Variants in PABPC4L observed in about 807,000 individuals in gnomAD.
PABPC4L encodes poly(A) binding protein cytoplasmic 4 like, also known as polyadenylate-binding protein 4-like.
For missense variants in PABPC4L, 452 were observed against 451.4 expected (o/e 1.00, Z -0.01); for synonymous variants, 169 against 164.1 (o/e 1.03, Z -0.23).
the PABPC4L span, among the ~76,000 whole-genome samples, chr4:134,067,446 C>T: frequency 6.6e-6 from 1 of 151,968 alleles, no homozygotes; most frequent in Non-Finnish European, 1.5e-5. Flanking sequence ...AGCTAATGGT[C>T]TACCTGTCTT....
At position 134,199,368 on chromosome 4, in the gene PABPC4L, ATATCTGACTATT is replaced by A; in HGVS notation, c.*527_*538del. On this transcript the variant is annotated 3_prime_UTR_variant, in exon 2 of 2. Transcript: ENST00000421491. ...ATATAAATTTAAAAGAAATTCAACT[ATATCTGACTATT>A]TTAAGCATTAATTCAAAATGAAATT... The A allele has an allele frequency of 6.6e-6, 1 of 152,168 alleles. No individual in the cohort carries two copies. Among genetic ancestry groups the A allele is most frequent in the African/African-American group, 2.4e-5 (1 of 41,464 alleles). 9.4% of individuals were successfully genotyped at this position (152,168 alleles called of 1,614,324 possible).
chr4:134,064,823 T>A, the PABPC4L span, among the ~76,000 whole-genome samples: 2 of 152,164 alleles, frequency 1.3e-5, no homozygotes, highest in East Asian at 3.9e-4. Flanking sequence ...AATGTTTAGC[T>A]CCCACTTATA....
chr4:134,095,529 A>G, the PABPC4L span, among the ~76,000 whole-genome samples: 8 of 152,078 alleles, frequency 5.3e-5, no homozygotes, highest in East Asian at 1.6e-3. Context: ...CAATCCATAT[A>G]TTCTTTATAC....
the PABPC4L span, among the ~76,000 whole-genome samples, chr4:133,961,474 C>T: frequency 2.6e-5 from 4 of 152,076 alleles, no homozygotes; most frequent in Non-Finnish European, 5.9e-5. Context: ...AAAGAGAGCT[C>T]ACTAAAATGC....
chr4:134,074,737 C>T, the PABPC4L span, among the ~76,000 whole-genome samples: 1 of 152,134 alleles, frequency 6.6e-6, no homozygotes, highest in Non-Finnish European at 1.5e-5. Flanking sequence ...GGGAAGGAAA[C>T]AAGTCCTTCT....
At chr4:134,128,809 T>C in the PABPC4L span, among the ~76,000 whole-genome samples, 75 of 152,180 alleles carry the variant, frequency 4.9e-4, 1 homozygote, top group Admixed American at 3.7e-3. Context: ...AGGAATAGAA[T>C]AGTATCTCAC....
the PABPC4L span, among the ~76,000 whole-genome samples, chr4:133,967,830 A>G: frequency 6.6e-6 from 1 of 152,210 alleles, no homozygotes; most frequent in African/African-American, 2.4e-5. Flanking sequence ...AAAGTGTAGG[A>G]ATGTGATGCC....
At chr4:133,995,541 G>T in the PABPC4L span, among the ~76,000 whole-genome samples, 1 of 152,042 alleles carries the variant, frequency 6.6e-6, no homozygotes, top group African/African-American at 2.4e-5. Context: ...TAATTCCCTG[G>T]GCTAACCAAT....
the PABPC4L span, among the ~76,000 whole-genome samples, chr4:134,046,165 T>C: frequency 2.0e-5 from 3 of 152,016 alleles, no homozygotes; most frequent in Admixed American, 6.6e-5. Context: ...TCAGAATTTA[T>C]TGATTACTAT....
At chr4:134,003,285 C>G in the PABPC4L span, among the ~76,000 whole-genome samples, 1 of 152,054 alleles carries the variant, frequency 6.6e-6, no homozygotes, top group African/African-American at 2.4e-5. Context: ...GAAACACTTA[C>G]ATTTTTTCCA....
At chr4:134,034,482 G>T in the PABPC4L span, among the ~76,000 whole-genome samples, 1 of 151,920 alleles carries the variant, frequency 6.6e-6, no homozygotes, top group African/African-American at 2.4e-5. Flanking sequence ...TCCTCTGATG[G>T]CTGTGAGCAA....
the PABPC4L span, among the ~76,000 whole-genome samples, chr4:133,966,079 G>T: frequency 2.0e-5 from 3 of 151,908 alleles, no homozygotes; most frequent in Non-Finnish European, 4.4e-5. Flanking sequence ...TCTAACAAAG[G>T]TCTAATATTC....
At chr4:134,183,554 C>T in the PABPC4L span, among the ~76,000 whole-genome samples, 1 of 151,404 alleles carries the variant, frequency 6.6e-6, no homozygotes, top group Non-Finnish European at 1.5e-5. Flanking sequence ...AACACCAAAC[C>T]CCTGAGACAC....
chr4:134,091,251 C>T, the PABPC4L span, among the ~76,000 whole-genome samples: 628 of 151,500 alleles, frequency 4.1e-3, 3 homozygotes, highest in Non-Finnish European at 7.0e-3. Flanking sequence ...TTCTTCAGTA[C>T]TTAACTTTTA....
chr4:134,144,663 A>G, the PABPC4L span, among the ~76,000 whole-genome samples: 1 of 150,708 alleles, frequency 6.6e-6, no homozygotes, highest in African/African-American at 2.4e-5. Flanking sequence ...ATTTACAGCT[A>G]TAATTATTTT....
At chr4:134,091,852 T>C in the PABPC4L span, among the ~76,000 whole-genome samples, 1 of 152,204 alleles carries the variant, frequency 6.6e-6, no homozygotes, top group East Asian at 1.9e-4. Flanking sequence ...ATGGAATAAA[T>C]GCTGGTTGGT....
the PABPC4L span, among the ~76,000 whole-genome samples, chr4:133,998,179 C>A: frequency 6.6e-6 from 1 of 151,420 alleles, no homozygotes; most frequent in Non-Finnish European, 1.5e-5. Context: ...TAATTATATT[C>A]TCTATTTTCA....
At chr4:134,145,633 G>A in the PABPC4L span, among the ~76,000 whole-genome samples, 1 of 151,814 alleles carries the variant, frequency 6.6e-6, no homozygotes, top group Non-Finnish European at 1.5e-5. Context: ...GGTCTCTAAA[G>A]GTCATGGGAG....
the PABPC4L span, among the ~76,000 whole-genome samples, chr4:134,005,306 T>A: frequency 1.3e-5 from 2 of 151,786 alleles, no homozygotes; most frequent in Non-Finnish European, 2.9e-5. Context: ...TACAAGGAAA[T>A]ATGGTTTGAC....
Sources: gnomAD v4.1 joint callset for allele counts (sites outside exome capture counted in the v4.1 genomes callset) on GRCh38, gnomAD v4.1.1 for gene constraint, MANE v1.5 for transcripts, NCBI Gene and HGNC (gene_info 2026-07-23, HGNC 2026-07-21) for gene names.